The following HTR4 variants were observed in gnomAD, a reference collection of about 807,000 sequenced individuals.
HTR4 encodes the protein 5-hydroxytryptamine receptor 4, also known as 5-hydroxytryptamine (serotonin) receptor 4, G protein-coupled.
In HTR4, 16 loss-of-function variants were observed where a neutral mutation model predicts 36.8. The ratio of observed to expected loss-of-function variants is 0.43; its 90% confidence interval spans 0.29 to 0.66. The LOEUF is 0.66. Among genes scored for constraint, HTR4 ranks in the 30% least tolerant of loss-of-function variants. HTR4 has a pLI of 0.13. For synonymous variants in HTR4, 189 were observed against 185.1 expected (o/e 1.02, Z -0.17); for missense variants, 438 against 490.9 (o/e 0.89, Z 1.02).
chr5:148,634,280 T>C (rs1452499295), intron 2 of HTR4, among the ~76,000 whole-genome samples: 1 of 152,172 alleles, frequency 6.6e-6, no homozygotes, highest in African/African-American at 2.4e-5. Flanking sequence ...CATTCTCACA[T>C]AGGCATCCTC....
chr5:148,478,929 G>A (rs1755789415), downstream of HTR4, among the ~76,000 whole-genome samples: 1 of 152,036 alleles, frequency 6.6e-6, no homozygotes, highest in Non-Finnish European at 1.5e-5. Context: ...ATGGGACCTA[G>A]ATTTCATCAC....
intron 2 of HTR4, among the ~76,000 whole-genome samples, chr5:148,562,993 T>C (rs1760281502): frequency 6.6e-6 from 1 of 152,178 alleles, no homozygotes; most frequent in Non-Finnish European, 1.5e-5. Context: ...CTTCACCCAC[T>C]AGACAGAATG....
intron 5 of HTR4, among the ~76,000 whole-genome samples, chr5:148,470,433 G>C (rs919993935): frequency 3.3e-5 from 5 of 152,202 alleles, no homozygotes; most frequent in Admixed American, 3.3e-4. Context: ...TATAGAATAG[G>C]AGTTGCCAAC....
intron 2 of HTR4, among the ~76,000 whole-genome samples, chr5:148,577,157 A>T (rs1360158309): frequency 6.6e-6 from 1 of 152,142 alleles, no homozygotes; most frequent in Non-Finnish European, 1.5e-5. Flanking sequence ...TGGGCAAAGG[A>T]CAGGGCCATC....
chr5:148,644,202 C>T (rs536925672), intron 1 of HTR4, among the ~76,000 whole-genome samples: 5 of 152,140 alleles, frequency 3.3e-5, no homozygotes, highest in African/African-American at 9.7e-5. Context: ...TGGTTCACAT[C>T]CCCCGGGGAA....
chr5:148,547,240 T>C (rs555276436), intron 4 of HTR4, among the ~76,000 whole-genome samples: 69 of 152,276 alleles, frequency 4.5e-4, no homozygotes, highest in African/African-American at 1.6e-3. Flanking sequence ...GACTATGATG[T>C]TAGTGTTTAA....
At chr5:148,486,169 G>A (rs899966999) in intron 6 of HTR4, among the ~76,000 whole-genome samples, 2 of 152,208 alleles carry the variant, frequency 1.3e-5, no homozygotes, top group South Asian at 4.1e-4. Context: ...TAATGACAGA[G>A]TGATCTTATG....
At chr5:148,553,781 A>G (rs1388853736) in intron 2 of HTR4, among the ~76,000 whole-genome samples, 1 of 152,346 alleles carries the variant, frequency 6.6e-6, no homozygotes, top group African/African-American at 2.4e-5. Flanking sequence ...GCTGGCGGGA[A>G]TGTAAAATGC....
chr5:148,590,060 C>A (rs1218313499), intron 2 of HTR4, among the ~76,000 whole-genome samples: 1 of 152,056 alleles, frequency 6.6e-6, no homozygotes, highest in Non-Finnish European at 1.5e-5. Context: ...ATGAGTTTAA[C>A]TTTCAGAAGC....
chr5:148,535,408 A>C (rs1399355430), intron 4 of HTR4, among the ~76,000 whole-genome samples: 2 of 152,244 alleles, frequency 1.3e-5, no homozygotes, highest in African/African-American at 4.8e-5. Flanking sequence ...ACAGAAATAT[A>C]ATTCAGAATA....
intron 3 of HTR4, 95 bp from the exon 4 acceptor site, chr5:148,548,963 A>T: frequency 1.2e-6 from 1 of 847,110 alleles, no homozygotes; most frequent in South Asian, 1.5e-5. Context: ...GGGAAAAGGG[A>T]AACAAAGAAA....
chr5:148,481,712 T>C lies in HTR4; in HGVS notation c.*1491A>G, dbSNP rs200826327. 1.5e-4 allele frequency: 215 copies of C among 1,451,736 alleles called. No individual in the cohort carries two copies. The highest frequency in any genetic ancestry group is 1.8e-4 in the Non-Finnish European group (200 of 1,114,452). The allele number at this position is 1,451,736 out of a possible 1,614,324, so 89.9% of individuals were successfully genotyped here. ...GAGAATATGATAAATAATCCTGAGA[T>C]GCTATTAAACCACAGCCAAGATCAA... On this transcript the variant is annotated 3_prime_UTR_variant, in exon 7 of 7. Coordinates refer to ENST00000377888, the MANE Select transcript of HTR4 (RefSeq NM_000870.7).
chr5:148,471,942 G>C (rs79246220), downstream of HTR4, among the ~76,000 whole-genome samples: 95 of 152,314 alleles, frequency 6.2e-4, 4 homozygotes, highest in East Asian at 0.017. Context: ...AACACAAAAA[G>C]TTGCTGGTGT....
At position 148,497,451 on chromosome 5, in the gene HTR4, C is replaced by A. The variant is rs554457241; in HGVS notation, c.1076+12005G>T. Among the ~76,000 whole-genome samples the A allele has an allele frequency of 2.6e-5, 4 of 152,224 alleles. No homozygotes were observed. The South Asian group carries it at 8.3e-4, about 31-fold the overall frequency. On this transcript the variant is annotated intron_variant, in intron 6 of 6. Coordinates refer to ENST00000377888, the MANE Select transcript of HTR4 (RefSeq NM_000870.7). ...TAATAAATAATGGAAGCTTTGCTCTCTTTTTCCAGTTTTTTTATATTTCTT... is the reference window on the plus strand; with the variant it reads ...TAATAAATAATGGAAGCTTTGCTCTATTTTTCCAGTTTTTTTATATTTCTT...
At chr5:148,462,603 T>C (rs911626492) in intron 5 of HTR4, among the ~76,000 whole-genome samples, 4 of 152,114 alleles carry the variant, frequency 2.6e-5, no homozygotes, top group African/African-American at 9.7e-5. Flanking sequence ...GAAGAAATTA[T>C]ACCAATTCTC....
chr5:148,522,844 C>T (rs949484066), intron 5 of HTR4, among the ~76,000 whole-genome samples: 113 of 152,134 alleles, frequency 7.4e-4, no homozygotes, highest in African/African-American at 2.7e-3. Flanking sequence ...CATACATCAC[C>T]TGGGAGATGG....
At chr5:148,641,524 T>C (rs1753729486) in intron 1 of HTR4, among the ~76,000 whole-genome samples, 1 of 152,232 alleles carries the variant, frequency 6.6e-6, no homozygotes, top group Non-Finnish European at 1.5e-5. Flanking sequence ...CATGTCTCAA[T>C]AGTCTCTCAT....
At chr5:148,498,118 A>T (rs536149494) in intron 6 of HTR4, among the ~76,000 whole-genome samples, 1 of 152,320 alleles carries the variant, frequency 6.6e-6, no homozygotes, top group East Asian at 1.9e-4. Flanking sequence ...ATTTTATTTC[A>T]TTGGCTACCC....
At chr5:148,467,282 A>G (rs1351682222) in intron 5 of HTR4, among the ~76,000 whole-genome samples, 1 of 152,210 alleles carries the variant, frequency 6.6e-6, no homozygotes, top group Non-Finnish European at 1.5e-5. Flanking sequence ...TATATATGTT[A>G]TTTTATTAGA....
Sources: gnomAD v4.1 joint callset for allele counts (sites outside exome capture counted in the v4.1 genomes callset) on GRCh38, gnomAD v4.1.1 for gene constraint, MANE v1.5 for transcripts, NCBI Gene and HGNC (gene_info 2026-07-23, HGNC 2026-07-21) for gene names.